The following RGS17 variants were observed in gnomAD, a reference collection of about 807,000 sequenced individuals.
RGS17 encodes regulator of G protein signaling 17.
A neutral mutation model predicts 25.5 loss-of-function variants in RGS17; 12 were observed. The observed-to-expected ratio is 0.47, with a 90% confidence interval of 0.30 to 0.76. The LOEUF (loss-of-function observed/expected upper bound fraction) is 0.76, where lower values mean the gene tolerates loss of function less well. Ranked by LOEUF, RGS17 falls within the 30% of genes least tolerant of loss-of-function variation. The pLI is 0.07. For synonymous variants in RGS17, 71 were observed against 76.9 expected (o/e 0.92, Z 0.40); for missense variants, 196 against 242.2 (o/e 0.81, Z 1.27).
At chr6:153,075,923 G>C (rs1776870861) in intron 1 of RGS17, among the ~76,000 whole-genome samples, 1 of 152,130 alleles carries the variant, frequency 6.6e-6, no homozygotes, top group African/African-American at 2.4e-5. Flanking sequence ...CAAACCGATG[G>C]TAATAGTGCT....
At chr6:153,125,838 C>T (rs1337743753) in intron 1 of RGS17, among the ~76,000 whole-genome samples, 1 of 152,120 alleles carries the variant, frequency 6.6e-6, no homozygotes, top group Non-Finnish European at 1.5e-5. Flanking sequence ...GAGTGAGACC[C>T]TGCCTCAAAA....
intron 2 of RGS17, among the ~76,000 whole-genome samples, chr6:153,034,407 C>T (rs1776206979): frequency 6.6e-6 from 1 of 152,160 alleles, no homozygotes; most frequent in South Asian, 2.1e-4. Flanking sequence ...GCATCCGCTA[C>T]CTTAACTGAC....
At chr6:153,033,768 C>T (rs978896259) in intron 2 of RGS17, among the ~76,000 whole-genome samples, 44 of 152,050 alleles carry the variant, frequency 2.9e-4, no homozygotes, top group African/African-American at 1.1e-3. Context: ...AAAATACATG[C>T]CAATCATCAG....
At chr6:153,117,620 G>T (rs904010711) in intron 1 of RGS17, among the ~76,000 whole-genome samples, 1 of 152,150 alleles carries the variant, frequency 6.6e-6, no homozygotes, top group Admixed American at 6.5e-5. Flanking sequence ...AGTATACAGA[G>T]AATATGTGCT....
chr6:153,093,641 G>A (rs1235167542), intron 1 of RGS17, among the ~76,000 whole-genome samples: 12 of 152,160 alleles, frequency 7.9e-5, no homozygotes, highest in Admixed American at 6.6e-5. Context: ...AGGATAAATC[G>A]TACACACACT....
chr6:153,071,601 A>C (rs930441698), intron 1 of RGS17, among the ~76,000 whole-genome samples: 2 of 152,200 alleles, frequency 1.3e-5, no homozygotes, highest in African/African-American at 4.8e-5. Flanking sequence ...TAGATTTAAT[A>C]GACATAAAAC....
At chr6:153,102,796 TAAAGAA>T (rs1204258058) in intron 1 of RGS17, among the ~76,000 whole-genome samples, 1 of 152,220 alleles carries the variant, frequency 6.6e-6, no homozygotes, top group Non-Finnish European at 1.5e-5. Flanking sequence ...GCCCTTCAAA[TAAAGAA>T]AAACTACAAT....
intron 1 of RGS17, among the ~76,000 whole-genome samples, chr6:153,052,359 C>T (rs1350605455): frequency 6.6e-6 from 1 of 152,156 alleles, no homozygotes; most frequent in Non-Finnish European, 1.5e-5. Context: ...TCTGGACTTA[C>T]TTAAAAGCTA....
chr6:153,077,090 A>C (rs750189657), intron 1 of RGS17, among the ~76,000 whole-genome samples: 2 of 152,196 alleles, frequency 1.3e-5, no homozygotes, highest in Non-Finnish European at 2.9e-5. Context: ...GCAACAGGAG[A>C]TACTCACTCA....
chr6:153,088,755 G>A (rs1777086111), intron 1 of RGS17, among the ~76,000 whole-genome samples: 1 of 152,078 alleles, frequency 6.6e-6, no homozygotes, highest in Non-Finnish European at 1.5e-5. Context: ...GGGGTGCAGA[G>A]TGTGGCATAC....
chr6:153,093,205 T>C (rs1777157100), intron 1 of RGS17, among the ~76,000 whole-genome samples: 1 of 152,244 alleles, frequency 6.6e-6, no homozygotes, highest in Non-Finnish European at 1.5e-5. Context: ...AGCTATTTAA[T>C]GGCTATGAAA....
At position 153,130,441 on chromosome 6, in the gene RGS17, AG is replaced by A. The variant is rs1428013975; in HGVS notation, c.-26+682del. Reference sequence around the variant, plus strand: ...CTTTCCTTTGACTAAGGGGAGGGGAAGGAACAAAAGAGACCCCCCACCCCCT... The same window carrying A: ...CTTTCCTTTGACTAAGGGGAGGGGAAGAACAAAAGAGACCCCCCACCCCCT... On this transcript the variant is annotated intron_variant, in intron 1 of 4. Coordinates refer to ENST00000206262, the MANE Select transcript of RGS17 (RefSeq NM_012419.5). This position sits in a 1 kb window ranked among gnomAD's most constrained non-coding sequence, Gnocchi z 6.4. Among the ~76,000 whole-genome samples, 2 of 151,068 alleles carry A rather than the reference AG, an allele frequency of 1.3e-5. No homozygotes were observed. Among genetic ancestry groups the A allele is most frequent in the African/African-American group, 4.9e-5 (2 of 41,032 alleles).
intron 1 of RGS17, among the ~76,000 whole-genome samples, chr6:153,091,525 T>TACACAGGCTCTGTC (rs942931693): frequency 1.3e-5 from 2 of 151,048 alleles, no homozygotes; most frequent in African/African-American, 2.4e-5. Flanking sequence ...CAGGCTGGAG[T>TACACAGGCTCTGTC]ACACAGGCTC....
rs568964923 is a variant in RGS17, at chr6:153,094,636, C to G, written c.-26+36488G>C. On this transcript the variant is annotated intron_variant, in intron 1 of 4. Transcript: ENST00000206262. The stretch of plus-strand genomic sequence containing the variant: ...CAACATAATAATTTTAATTTTTTGT[C>G]AGGCTTTTCTTGTAGTGTTTTGAGA... Among the ~76,000 whole-genome samples the G allele has an allele frequency of 2.6e-5, 4 of 152,214 alleles. No homozygotes were observed. The East Asian group carries it at 5.8e-4, about 22-fold the overall frequency.
At position 153,005,084 on chromosome 6, in the gene RGS17, G is replaced by A. The variant is rs1779060251; in HGVS notation, c.*6490C>T. Reference sequence around the variant, plus strand: ...AATCGGTTAAAGCTAGCGGGAAATAGGTCTTTTACATTATTTCAATATTCA... The same window carrying A: ...AATCGGTTAAAGCTAGCGGGAAATAAGTCTTTTACATTATTTCAATATTCA... On this transcript the variant is annotated 3_prime_UTR_variant, in exon 5 of 5. Transcript: ENST00000206262. The A allele has an allele frequency of 6.6e-6, 1 of 152,162 alleles. No homozygotes were observed. The highest frequency in any genetic ancestry group is 6.5e-5 in the Admixed American group (1 of 15,276). 9.4% of individuals were successfully genotyped at this position (152,162 alleles called of 1,614,324 possible). A position where few individuals can be genotyped will look rare whatever the true frequency, so the allele number is the denominator to read the frequency against.
chr6:153,103,411 G>A (rs1243383023), intron 1 of RGS17, among the ~76,000 whole-genome samples: 3 of 152,174 alleles, frequency 2.0e-5, no homozygotes, highest in African/African-American at 4.8e-5. Flanking sequence ...GGATGCTGTT[G>A]TGAGCTGTTG....
At chr6:153,020,302 C>T (rs1422304283) in intron 4 of RGS17, among the ~76,000 whole-genome samples, 2 of 149,456 alleles carry the variant, frequency 1.3e-5, no homozygotes, top group Admixed American at 1.3e-4. Context: ...TACAGGTGCC[C>T]GCCACCACGC....
intron 1 of RGS17, among the ~76,000 whole-genome samples, chr6:153,061,813 G>T (rs1207059784): frequency 6.6e-6 from 1 of 152,138 alleles, no homozygotes; most frequent in Admixed American, 6.5e-5. Flanking sequence ...TAGGTTACCT[G>T]TGATTCTCTC....
intron 2 of RGS17, among the ~76,000 whole-genome samples, chr6:153,043,263 A>G (rs1462944356): frequency 6.6e-5 from 10 of 152,210 alleles, no homozygotes; most frequent in Admixed American, 5.9e-4. Context: ...TAACACCACA[A>G]TGGGAAGCAG....
Sources: gnomAD v4.1 joint callset for allele counts (sites outside exome capture counted in the v4.1 genomes callset) on GRCh38, gnomAD v4.1.1 for gene constraint, Gnocchi (gnomAD v3.1) non-coding constraint, MANE v1.5 for transcripts, NCBI Gene and HGNC (gene_info 2026-07-23, HGNC 2026-07-21) for gene names.